The following CLNK variants were observed in gnomAD, a reference collection of about 807,000 sequenced individuals.
CLNK encodes cytokine-dependent hematopoietic cell linker.
Under a neutral mutation model 68.6 loss-of-function variants are expected in CLNK, and 74 were observed. The observed-to-expected ratio is 1.08, with a 90% confidence interval of 0.89 to 1.31. The LOEUF is 1.31. CLNK is among the 50% of genes most tolerant of loss of function. CLNK has a pLI of 0.00. For missense variants in CLNK, 553 were observed against 515.3 expected, an observed-to-expected ratio of 1.07 and a Z score of -0.71; for synonymous variants, 198 against 172.2, an observed-to-expected ratio of 1.15 and a Z score of -1.17.
chr4:10,631,901 T>A (rs1722906181), intron 2 of CLNK, among the ~76,000 whole-genome samples: 1 of 152,210 alleles, frequency 6.6e-6, no homozygotes, highest in Non-Finnish European at 1.5e-5. Context: ...GATTCAAATA[T>A]GTCTTTTTTT....
At chr4:10,647,885 C>A (rs548887202) in intron 2 of CLNK, among the ~76,000 whole-genome samples, 1 of 152,270 alleles carries the variant, frequency 6.6e-6, no homozygotes, top group East Asian at 1.9e-4. Flanking sequence ...TCCTCTTATC[C>A]TCAGAAAGTT....
chr4:10,563,597 A>G (rs114769073), intron 7 of CLNK, among the ~76,000 whole-genome samples: 239 of 152,290 alleles, frequency 1.6e-3, no homozygotes, highest in African/African-American at 5.5e-3. Flanking sequence ...CCCCTGTTTG[A>G]CAGATATCTG....
At chr4:10,535,008 G>T (rs545685983) in intron 11 of CLNK, among the ~76,000 whole-genome samples, 2 of 152,046 alleles carry the variant, frequency 1.3e-5, no homozygotes, top group African/African-American at 4.8e-5. Context: ...ATACATTTTT[G>T]CGACAGAGAT....
chr4:10,495,966 CAGA>C (rs1716796230), intron 18 of CLNK, among the ~76,000 whole-genome samples: 1 of 152,136 alleles, frequency 6.6e-6, no homozygotes, highest in African/African-American at 2.4e-5. Flanking sequence ...CTGGAGCCTC[CAGA>C]AGGAGTGTGG....
chr4:10,578,357 C>T lies in CLNK; in HGVS notation c.112+6570G>A, dbSNP rs182541939. Among the ~76,000 whole-genome samples the T allele has an allele frequency of 3.5e-3, 528 of 152,232 alleles. 2 individuals carry two copies. The highest frequency in any genetic ancestry group is 0.012 in the African/African-American group (509 of 41,534). On this transcript the variant is annotated intron_variant, in intron 4 of 18. Transcript: ENST00000226951. ...CTCTGTTGATATCCACCTGCTGATT[C>T]TTCACAAGGGTTCTTCAAGCTGGGA...
intron 11 of CLNK, among the ~76,000 whole-genome samples, chr4:10,533,740 G>A (rs1305692507): frequency 2.6e-5 from 4 of 152,196 alleles, no homozygotes; most frequent in Admixed American, 2.0e-4. Context: ...TGTTTAAGAA[G>A]CCAGTGTATT....
chr4:10,586,799 A>G (rs1197663246), intron 3 of CLNK, among the ~76,000 whole-genome samples: 1 of 152,144 alleles, frequency 6.6e-6, no homozygotes, highest in Non-Finnish European at 1.5e-5. Context: ...CATTAAATCC[A>G]TACCTTATAA....
chr4:10,551,244 C>A (rs1024051571), intron 8 of CLNK, among the ~76,000 whole-genome samples: 2 of 151,928 alleles, frequency 1.3e-5, no homozygotes, highest in Non-Finnish European at 2.9e-5. Flanking sequence ...ATATGCAAGA[C>A]CACCCCCCCA....
chr4:10,619,984 C>T (rs1722373445), intron 2 of CLNK, among the ~76,000 whole-genome samples: 3 of 152,108 alleles, frequency 2.0e-5, no homozygotes, highest in African/African-American at 7.2e-5. Context: ...AAGAGGGAAC[C>T]TCAATCACCA....
chr4:10,541,199 G>A lies in CLNK; in HGVS notation c.492-595C>T, dbSNP rs562604728. ...ACCTCACTCCAGCCTGGGCGACAGA[G>A]CCAGACTGTCTCAAAAAAAAAACAA... On this transcript the variant is annotated intron_variant, in intron 10 of 18. Coordinates refer to ENST00000226951, the MANE Select transcript of CLNK (RefSeq NM_052964.4). Among the ~76,000 whole-genome samples the A allele has an allele frequency of 3.9e-5, 5 of 127,152 alleles. No homozygotes were observed. In the South Asian group the frequency reaches 1.2e-3, roughly 32 times the overall value. The allele number at this position is 127,152 out of a possible 152,430, so 83.4% of individuals were successfully genotyped here.
Position 10,553,361 on chromosome 4 carries a change from A to T in CLNK, c.445+5046T>A, listed in dbSNP as rs146777986. ...TTGGAGATCCACAATGCTCTTAAAA[A>T]CTTGGTCAGTAAAAAGATCTGTTTA... On this transcript the variant is annotated intron_variant, in intron 8 of 18. Coordinates refer to ENST00000226951, the MANE Select transcript of CLNK (RefSeq NM_052964.4). Among the ~76,000 whole-genome samples the T allele has an allele frequency of 5.9e-5, 9 of 152,224 alleles. No individual in the cohort carries two copies. The East Asian group carries it at 1.5e-3, about 26-fold the overall frequency.
chr4:10,521,087 G>A (rs1042677266), intron 14 of CLNK, among the ~76,000 whole-genome samples: 2 of 152,154 alleles, frequency 1.3e-5, no homozygotes, highest in South Asian at 2.1e-4. Context: ...CAGTGAGCAC[G>A]TATCATTATT....
the CLNK span, among the ~76,000 whole-genome samples, chr4:10,731,476 G>A: frequency 8.6e-5 from 13 of 152,032 alleles, no homozygotes; most frequent in African/African-American, 2.9e-4. Context: ...CAATTCTCAG[G>A]CTTTTTCTAT....
chr4:10,507,916 T>G (rs1032123615), intron 17 of CLNK, 43 bp downstream of exon 17: 2 of 1,422,432 alleles, frequency 1.4e-6, no homozygotes, highest in Admixed American at 2.0e-5. Context: ...AACCTTAAGA[T>G]GCCTATAGAA....
chr4:10,695,431 T>G, the CLNK span, among the ~76,000 whole-genome samples: 1 of 152,232 alleles, frequency 6.6e-6, no homozygotes, highest in African/African-American at 2.4e-5. Flanking sequence ...TTGAATGTTA[T>G]AAAATCAGAA....
At chr4:10,663,810 T>C (rs780233451) in intron 2 of CLNK, among the ~76,000 whole-genome samples, 18 of 152,218 alleles carry the variant, frequency 1.2e-4, no homozygotes, top group Non-Finnish European at 2.4e-4. Context: ...GTGGGGCCTT[T>C]GGGGGCTGAT....
intron 17 of CLNK, 72 bp from the exon 18 acceptor site, chr4:10,501,483 G>T: frequency 6.8e-7 from 1 of 1,463,618 alleles, no homozygotes; most frequent in Non-Finnish European, 9.3e-7. Context: ...TGGCAACAAT[G>T]ATGTCTGCAT....
chr4:10,630,563 G>T (rs1044840113), intron 2 of CLNK, among the ~76,000 whole-genome samples: 1 of 152,152 alleles, frequency 6.6e-6, no homozygotes, highest in African/African-American at 2.4e-5. Context: ...GAGGGGAAGA[G>T]CCAATAAAAT....
At chr4:10,495,676 A>G (rs749955981) in intron 18 of CLNK, among the ~76,000 whole-genome samples, 1 of 152,192 alleles carries the variant, frequency 6.6e-6, no homozygotes, top group Non-Finnish European at 1.5e-5. Flanking sequence ...GATCCTGAGA[A>G]GGGGTGCTTA....
Sources: allele counts gnomAD v4.1 joint callset (sites outside exome capture counted in the v4.1 genomes callset), GRCh38; gene constraint gnomAD v4.1.1; transcripts MANE v1.5; gene names NCBI Gene and HGNC (gene_info 2026-07-23, HGNC 2026-07-21).